USP13: variants seen among roughly 807,000 people sequenced by gnomAD.
USP13 encodes ubiquitin carboxyl-terminal hydrolase 13.
A neutral mutation model predicts 107.8 loss-of-function variants in USP13; 68 were observed. The observed-to-expected ratio is 0.63, with a 90% CI of 0.52 to 0.77. The LOEUF is 0.77. USP13 is among the 30% of genes least tolerant of loss of function. The pLI is 0.00. For missense variants in USP13, 945 were observed against 1,093.3 expected (o/e 0.86, Z 1.91); for synonymous variants, 377 against 389.5 (o/e 0.97, Z 0.38).
intron 3 of USP13, among the ~76,000 whole-genome samples, chr3:179,698,191 A>ACT (rs1329037108): frequency 1.3e-5 from 2 of 152,108 alleles, no homozygotes; most frequent in East Asian, 3.8e-4. Flanking sequence ...ACTTCTGAAT[A>ACT]CTCAGATTTC....
intron 16 of USP13, among the ~76,000 whole-genome samples, chr3:179,759,846 G>A (rs1560077422): frequency 6.6e-6 from 1 of 152,054 alleles, no homozygotes; most frequent in Non-Finnish European, 1.5e-5. Flanking sequence ...GCTAACTTTT[G>A]TATTTTTAGT....
rs1720237216 is a variant in USP13 at position 179,655,656 on chromosome 3, G to C, written c.168+2263G>C. The stretch of plus-strand genomic sequence containing the variant: ...TGCAACCTCTGCCTCCTGGATTCAA[G>C]TGATTCTCCTGCCTCAGCCTGCCAA... On this transcript the variant is annotated intron_variant, in intron 1 of 20. Coordinates refer to ENST00000263966, the MANE Select transcript of USP13 (RefSeq NM_003940.3). Among the ~76,000 whole-genome samples, 3 of 150,854 alleles carry C rather than the reference G, an allele frequency of 2.0e-5. No homozygotes were observed. The South Asian group carries it at 6.3e-4, about 32-fold the overall frequency.
chr3:179,766,699 C>T (rs896286619), intron 19 of USP13, among the ~76,000 whole-genome samples: 15 of 152,194 alleles, frequency 9.9e-5, no homozygotes. Context: ...CTCACTACAA[C>T]TGATTTTACA....
At chr3:179,698,484 C>T (rs1187315262) in intron 3 of USP13, among the ~76,000 whole-genome samples, 1 of 150,990 alleles carries the variant, frequency 6.6e-6, no homozygotes, top group East Asian at 1.9e-4. Context: ...CTAGTAAATG[C>T]CAGAGTGGGG....
intron 12 of USP13, among the ~76,000 whole-genome samples, chr3:179,743,210 T>A (rs1033333911): frequency 6.6e-6 from 1 of 151,676 alleles, no homozygotes; most frequent in East Asian, 1.9e-4. Context: ...ATTGAGAACA[T>A]ATGGACACAG....
intron 1 of USP13, among the ~76,000 whole-genome samples, chr3:179,677,059 C>T (rs756252370): frequency 6.6e-6 from 1 of 151,776 alleles, no homozygotes; most frequent in Non-Finnish European, 1.5e-5. Context: ...GATTTTACCA[C>T]GTTGGTCAGG....
chr3:179,774,657 G>A (rs1456271572), intron 19 of USP13, among the ~76,000 whole-genome samples: 1 of 152,216 alleles, frequency 6.6e-6, no homozygotes, highest in African/African-American at 2.4e-5. Context: ...GTGAGCAGCA[G>A]CAAGATTTAT....
In USP13 at chr3:179,670,788, C is replaced by G. The variant is rs1045226800; in HGVS notation, c.169-11090C>G. On this transcript the variant is annotated intron_variant, in intron 1 of 20. Coordinates refer to ENST00000263966, the MANE Select transcript of USP13 (RefSeq NM_003940.3). ...TCTCCGCTCACTGCAACCTCTGCCT[C>G]CTGGGTTCTAGCGATTCTTCTGCCT... 1.1e-4 allele frequency among the ~76,000 whole-genome samples: 16 copies of G among 152,126 alleles called. 1 individual carries two copies. In the South Asian group the frequency reaches 3.3e-3, roughly 32 times the overall value.
At chr3:179,767,249 T>C (rs1283812777) in intron 19 of USP13, among the ~76,000 whole-genome samples, 1 of 152,196 alleles carries the variant, frequency 6.6e-6, no homozygotes, top group Non-Finnish European at 1.5e-5. Context: ...AGTAACCTTA[T>C]GAGGTACATA....
Position 179,721,681 on chromosome 3 carries a change from A to G in USP13, c.1088+92A>G. 7.3e-7 allele frequency: 1 copy of G among 1,367,266 alleles called. No homozygotes were observed. Among genetic ancestry groups the G allele is most frequent in the Non-Finnish European group, 9.9e-7 (1 of 1,010,758 alleles). 84.7% of individuals were successfully genotyped at this position (1,367,266 alleles called of 1,614,324 possible). ...AGTGTGCGCTGCGAAGCCCATCTTTATTGCTTCAGGACATTTTGCCACCTT... is the reference window on the plus strand; with the variant it reads ...AGTGTGCGCTGCGAAGCCCATCTTTGTTGCTTCAGGACATTTTGCCACCTT... On this transcript the variant is annotated intron_variant, in intron 8 of 20. Coordinates refer to ENST00000263966, the MANE Select transcript of USP13 (RefSeq NM_003940.3). The surrounding 1 kb of genome is among the most constrained non-coding windows in gnomAD (Gnocchi z 4.3).
intron 19 of USP13, among the ~76,000 whole-genome samples, chr3:179,772,166 T>G (rs538984364): frequency 3.3e-5 from 5 of 152,382 alleles, no homozygotes; most frequent in Admixed American, 3.3e-4. Context: ...TTTTCTACCA[T>G]GTTCTGCACA....
In USP13 at chr3:179,761,059, C is replaced by T. The variant is rs1413814395; in HGVS notation, c.1949-53C>T. ...ATAGGAGAGTGGAGAGTAGCTAAGA[C>T]AAGAAGCGACAGTTTCCTCTTTCAC... On this transcript the variant is annotated intron_variant, in intron 16 of 20. Transcript: ENST00000263966. 8.1e-6 allele frequency: 13 copies of T among 1,608,310 alleles called. No homozygotes were observed. In the Admixed American group the frequency reaches 2.2e-4, roughly 27 times the overall value.
chr3:179,743,560 A>C (rs981012725), intron 12 of USP13, among the ~76,000 whole-genome samples: 1 of 152,072 alleles, frequency 6.6e-6, no homozygotes, highest in African/African-American at 2.4e-5. Context: ...GTTTTTGATC[A>C]GTTTCAAAAT....
intron 13 of USP13, among the ~76,000 whole-genome samples, chr3:179,750,570 T>G (rs949810565): frequency 1.4e-4 from 22 of 151,974 alleles, no homozygotes; most frequent in African/African-American, 4.8e-4. Flanking sequence ...TCTACCAACT[T>G]TGTAATGGAG....
intron 3 of USP13, among the ~76,000 whole-genome samples, chr3:179,697,859 C>T (rs1225083559): frequency 6.6e-6 from 1 of 152,194 alleles, no homozygotes; most frequent in African/African-American, 2.4e-5. Flanking sequence ...TGCCCCTCTT[C>T]CATTCCATTG....
rs1576932146 is a variant in USP13, at chr3:179,696,487, C to T, written c.356-4521C>T. ...CTGGGATTACAGGCGCTGGCCACCACACCTGGCTAATTTTTTTGTATTTTT... is the reference window on the plus strand; with the variant it reads ...CTGGGATTACAGGCGCTGGCCACCATACCTGGCTAATTTTTTTGTATTTTT... On this transcript the variant is annotated intron_variant, in intron 3 of 20. Coordinates refer to ENST00000263966, the MANE Select transcript of USP13 (RefSeq NM_003940.3). Among the ~76,000 whole-genome samples the T allele has an allele frequency of 2.6e-5, 4 of 152,264 alleles. No homozygotes were observed. In the South Asian group the frequency reaches 8.3e-4, roughly 32 times the overall value.
At chr3:179,741,096 C>G (rs1389492390) in intron 11 of USP13, among the ~76,000 whole-genome samples, 2 of 149,904 alleles carry the variant, frequency 1.3e-5, no homozygotes, top group Non-Finnish European at 3.0e-5. Flanking sequence ...TTTTTTTTTC[C>G]TGGTTACAAC....
chr3:179,751,544 C>G (rs1055770905), intron 13 of USP13, among the ~76,000 whole-genome samples: 12 of 152,122 alleles, frequency 7.9e-5, no homozygotes, highest in Non-Finnish European at 2.9e-5. Context: ...TCAGGATCAC[C>G]TGGGGAGACT....
At chr3:179,750,318 ATATGTGTGTATATATAT>A in intron 13 of USP13, among the ~76,000 whole-genome samples, 1 of 43,256 alleles carries the variant, frequency 2.3e-5, no homozygotes, top group East Asian at 1.3e-3. Flanking sequence ...ATATATATAT[ATATGTGTGTATATATAT>A]ATATATATAT....
Sources: gnomAD v4.1 joint callset for allele counts (sites outside exome capture counted in the v4.1 genomes callset) on GRCh38, gnomAD v4.1.1 for gene constraint, Gnocchi (gnomAD v3.1) non-coding constraint, MANE v1.5 for transcripts, NCBI Gene and HGNC (gene_info 2026-07-23, HGNC 2026-07-21) for gene names.